The following CAMK2A variants were observed in gnomAD, a reference collection of about 807,000 sequenced individuals.
CAMK2A encodes calcium/calmodulin dependent protein kinase II alpha, also known as calcium/calmodulin-dependent protein kinase type II subunit alpha.
In CAMK2A, 7 loss-of-function variants were observed where a neutral mutation model predicts 79.2. The ratio of observed to expected loss-of-function variants is 0.09; its 90% CI spans 0.05 to 0.17. The LOEUF (loss-of-function observed/expected upper bound fraction) is 0.17. CAMK2A is among the 10% of genes least tolerant of loss of function. The pLI, the probability that CAMK2A is intolerant of heterozygous loss-of-function variation, is 1.00. For synonymous variants in CAMK2A, 242 were observed against 251.7 expected, an observed-to-expected ratio of 0.96 and a Z score of 0.36; for missense variants, 214 against 646.4, an observed-to-expected ratio of 0.33 and a Z score of 7.25.
intron 3 of CAMK2A, among the ~76,000 whole-genome samples, chr5:150,263,673 TAAC>T (rs1756391822): frequency 6.6e-6 from 1 of 152,046 alleles, no homozygotes; most frequent in Non-Finnish European, 1.5e-5. Flanking sequence ...CTCACACACT[TAAC>T]ACACACTCCC....
intron 3 of CAMK2A, among the ~76,000 whole-genome samples, chr5:150,263,848 G>C (rs1357192618): frequency 6.6e-6 from 1 of 152,328 alleles, no homozygotes; most frequent in Non-Finnish European, 1.5e-5. Context: ...CAGGGACCAG[G>C]GTTCAAACAG....
chr5:150,228,162 C>T, intron 17 of CAMK2A, 30 bp downstream of exon 17: 1 of 1,561,020 alleles, frequency 6.4e-7, no homozygotes, highest in Non-Finnish European at 8.8e-7. Context: ...GAGCAGACAA[C>T]AGGCACCACA....
intron 2 of CAMK2A, 137 bp downstream of exon 2, chr5:150,272,928 C>T (rs554642599): frequency 8.8e-5 from 60 of 679,230 alleles, no homozygotes; most frequent in East Asian, 5.2e-4. Context: ...CATGACACCC[C>T]GGGAAGAGCA....
At chr5:150,264,924 C>A in intron 3 of CAMK2A, 32 bp downstream of exon 3, 1 of 1,594,040 alleles carries the variant, frequency 6.3e-7, no homozygotes, top group Non-Finnish European at 8.6e-7. Context: ...GGGCCTGGCT[C>A]CCCTGCGCCC....
At chr5:150,260,000 T>A (rs1756234071) in intron 3 of CAMK2A, among the ~76,000 whole-genome samples, 1 of 151,930 alleles carries the variant, frequency 6.6e-6, no homozygotes, top group African/African-American at 2.4e-5. Context: ...ATAAAAAAAA[T>A]TCAAACATAC....
At chr5:150,251,659 C>T in intron 9 of CAMK2A, 91 bp downstream of exon 9, 1 of 968,918 alleles carries the variant, frequency 1.0e-6, no homozygotes, top group Admixed American at 2.8e-5. Flanking sequence ...GGGGTTCACC[C>T]CTGTGCCAGA....
Position 150,256,979 on chromosome 5 carries a change from C to T in CAMK2A, c.273-148G>A. The stretch of plus-strand genomic sequence containing the variant: ...GGCCCCAGGGTCACGGGGGTGTCCC[C>T]TGCTGCAATGCCCTTCCTGTCTTCC... On this transcript the variant is annotated intron_variant, in intron 4 of 18. Transcript: ENST00000671881. The surrounding 1 kb of genome is among the most constrained non-coding windows in gnomAD (Gnocchi z 4.6). The T allele has an allele frequency of 3.2e-6, 2 of 619,898 alleles. No homozygotes were observed. Among genetic ancestry groups the T allele is most frequent in the South Asian group, 4.0e-5 (2 of 50,572 alleles). The allele number at this position is 619,898 out of a possible 1,614,324, so 38.4% of individuals were successfully genotyped here.
In CAMK2A at chr5:150,256,952, G is replaced by A; in HGVS notation, c.273-121C>T. 1.3e-6 allele frequency: 1 copy of A among 761,482 alleles called. No individual in the cohort carries two copies. The allele number at this position is 761,482 out of a possible 1,614,324, so 47.2% of individuals were successfully genotyped here. On this transcript the variant is annotated intron_variant, in intron 4 of 18. Coordinates refer to ENST00000671881, the MANE Select transcript of CAMK2A (RefSeq NM_015981.4). The surrounding 1 kb of genome is among the most constrained non-coding windows in gnomAD (Gnocchi z 4.6). ...CCTCAGGACCTCAGCCACAAAAGGA[G>A]GGGCCCCAGGGTCACGGGGGTGTCC...
chr5:150,250,556 C>T, intron 10 of CAMK2A, 132 bp downstream of exon 10: 1 of 1,287,524 alleles, frequency 7.8e-7, no homozygotes, highest in Non-Finnish European at 1.1e-6. Context: ...CCCTGAGAAC[C>T]ACAGCAGGGG....
chr5:150,268,629 G>C (rs922069805), intron 2 of CAMK2A, among the ~76,000 whole-genome samples: 3 of 152,214 alleles, frequency 2.0e-5, no homozygotes, highest in African/African-American at 7.2e-5. Flanking sequence ...GACCTTTTCT[G>C]TTGGTCACTG....
chr5:150,281,110 G>A (rs1166894125), intron 1 of CAMK2A, among the ~76,000 whole-genome samples: 6 of 152,146 alleles, frequency 3.9e-5, no homozygotes, highest in South Asian at 4.1e-4. Flanking sequence ...CTCTAGCCCC[G>A]TATTTTTAGC....
intron 12 of CAMK2A, among the ~76,000 whole-genome samples, chr5:150,245,963 A>G (rs1755551042): frequency 6.6e-6 from 1 of 152,270 alleles, no homozygotes; most frequent in South Asian, 2.1e-4. Flanking sequence ...CCCTGCCCAC[A>G]GGCATCCGGC....
chr5:150,266,355 C>CTCCG lies in CAMK2A; in HGVS notation c.158-1344_158-1341dup, dbSNP rs1164060756. ...AACTGCAGCCTGAACAAGCTGAAGCCTCCGTGGTGGCAGAGCTGGAACTGA... is the reference window on the plus strand; with the variant it reads ...AACTGCAGCCTGAACAAGCTGAAGCCTCCGTCCGTGGTGGCAGAGCTGGAACTGA... On this transcript the variant is annotated intron_variant, in intron 2 of 18. Transcript: ENST00000671881. Among the ~76,000 whole-genome samples the CTCCG allele has an allele frequency of 2.0e-5, 3 of 152,320 alleles. No homozygotes were observed. In the East Asian group the frequency reaches 5.8e-4, roughly 29 times the overall value.
chr5:150,237,513 T>C (rs1351447717), intron 15 of CAMK2A, among the ~76,000 whole-genome samples: 7 of 152,040 alleles, frequency 4.6e-5, no homozygotes, highest in African/African-American at 1.7e-4. Context: ...AAGTCAGCAA[T>C]CCCTGCCCCT....
intron 3 of CAMK2A, among the ~76,000 whole-genome samples, chr5:150,258,917 C>T (rs1242344224): frequency 1.3e-5 from 2 of 152,050 alleles, no homozygotes; most frequent in Non-Finnish European, 2.9e-5. Context: ...CGGTGGCTCA[C>T]GCTTGTAATC....
chr5:150,265,551 G>A (rs1449223831), intron 2 of CAMK2A, among the ~76,000 whole-genome samples: 1 of 152,082 alleles, frequency 6.6e-6, no homozygotes, highest in Non-Finnish European at 1.5e-5. Context: ...GACCCACTCA[G>A]TCTCATGGAT....
At chr5:150,249,357 C>T (rs1293955330) in intron 11 of CAMK2A, among the ~76,000 whole-genome samples, 3 of 152,202 alleles carry the variant, frequency 2.0e-5, no homozygotes, top group African/African-American at 7.2e-5. Flanking sequence ...GTCTGAGTGC[C>T]TCAGCCATTC....
chr5:150,259,158 C>T (rs752147956), intron 3 of CAMK2A, among the ~76,000 whole-genome samples: 11 of 150,708 alleles, frequency 7.3e-5, no homozygotes, highest in African/African-American at 1.7e-4. Context: ...ACAGCCTGAG[C>T]GACAAAGCAA....
chr5:150,289,443 C>T, intron 1 of CAMK2A, 121 bp downstream of exon 1: 1 of 782,444 alleles, frequency 1.3e-6, no homozygotes, highest in Non-Finnish European at 2.2e-6. Flanking sequence ...CAAACCCATG[C>T]AGCCTGCCTT....
Sources: allele counts gnomAD v4.1 joint callset (sites outside exome capture counted in the v4.1 genomes callset), GRCh38; gene constraint gnomAD v4.1.1; non-coding constraint Gnocchi (gnomAD v3.1); transcripts MANE v1.5; gene names NCBI Gene and HGNC (gene_info 2026-07-23, HGNC 2026-07-21).